SBF2: variants seen among roughly 807,000 people sequenced by gnomAD.
The protein encoded by SBF2 is SET binding factor 2, also known as myotubularin-related protein 13.
SBF2 carries 112 observed loss-of-function variants against 225.2 expected under a neutral mutation model. That is an observed-to-expected ratio of 0.50 (90% CI 0.43 to 0.58). The LOEUF (loss-of-function observed/expected upper bound fraction) is 0.58. Among genes scored for constraint, SBF2 ranks in the 20% least tolerant of loss-of-function variants. The probability of loss-of-function intolerance (pLI) is 0.00; values close to 1 mark genes in which losing one functional copy is unlikely to be tolerated. For synonymous variants in SBF2, 763 were observed against 773.3 expected (o/e 0.99, Z 0.22); for missense variants, 1,996 against 2,206.2 (o/e 0.90, Z 1.91).
At chr11:10,144,673 G>A (rs745393738) in intron 2 of SBF2, among the ~76,000 whole-genome samples, 2 of 152,190 alleles carry the variant, frequency 1.3e-5, no homozygotes, top group Non-Finnish European at 2.9e-5. Flanking sequence ...CTAGGAAGTT[G>A]AGATGATGTA....
At chr11:10,216,207 C>T (rs547602365) in intron 1 of SBF2, among the ~76,000 whole-genome samples, 39 of 152,174 alleles carry the variant, frequency 2.6e-4, no homozygotes, top group African/African-American at 8.4e-4. Context: ...GGACTTAAGT[C>T]TAAGACATAA....
chr11:9,920,273 T>C (rs906458639), intron 16 of SBF2, among the ~76,000 whole-genome samples: 6 of 151,684 alleles, frequency 4.0e-5, no homozygotes, highest in African/African-American at 1.2e-4. Context: ...ATTTTTGGCA[T>C]GGAAAAACAG....
intron 16 of SBF2, among the ~76,000 whole-genome samples, chr11:9,913,477 C>T (rs143972972): frequency 9.8e-4 from 149 of 152,100 alleles, no homozygotes; most frequent in Middle Eastern, 3.4e-3. Context: ...AGTATAATTA[C>T]TTAGAAAAAA....
At chr11:9,807,772 T>C (rs919375680) in intron 32 of SBF2, 1 of 579,760 alleles carries the variant, frequency 1.7e-6, no homozygotes. Flanking sequence ...GCTACTTCAC[T>C]TGGGGCAAGC....
intron 16 of SBF2, among the ~76,000 whole-genome samples, chr11:9,910,052 A>C (rs1055766240): frequency 1.3e-5 from 2 of 152,246 alleles, no homozygotes; most frequent in African/African-American, 4.8e-5. Flanking sequence ...ACATAAAAAA[A>C]TGTGTTCATG....
intron 8 of SBF2, 80 bp downstream of exon 8, chr11:10,000,834 A>G (rs1161183999): frequency 2.7e-6 from 2 of 745,036 alleles, no homozygotes; most frequent in African/African-American, 3.5e-5. Flanking sequence ...AATAGTGATG[A>G]GTTGAAATGT....
chr11:10,032,680 C>T (rs2134642290), intron 3 of SBF2, among the ~76,000 whole-genome samples: 1 of 152,270 alleles, frequency 6.6e-6, no homozygotes, highest in Admixed American at 6.5e-5. Context: ...TTATCTATTT[C>T]ACTTATCTTG....
rs372313109 is a variant in SBF2, at chr11:10,113,096, C to T, written c.142-70115G>A. ...GCAACCTCCACCTCCTGGGCTTAAG[C>T]GATCCTCCCACATCAGCCTCCCAAG... On this transcript the variant is annotated intron_variant, in intron 2 of 39. Coordinates refer to ENST00000256190, the MANE Select transcript of SBF2 (RefSeq NM_030962.4). 4.7e-3 allele frequency among the ~76,000 whole-genome samples: 714 copies of T among 152,122 alleles called. 9 individuals are homozygous for T. Among genetic ancestry groups the T allele is most frequent in the African/African-American group, 0.016 (673 of 41,490 alleles).
At chr11:10,174,012 C>T (rs1956340451) in intron 2 of SBF2, among the ~76,000 whole-genome samples, 1 of 151,812 alleles carries the variant, frequency 6.6e-6, no homozygotes. Flanking sequence ...CCCATCTGTA[C>T]ATCACCATCA....
At chr11:10,224,779 T>C (rs559152125) in intron 1 of SBF2, among the ~76,000 whole-genome samples, 57 of 152,272 alleles carry the variant, frequency 3.7e-4, no homozygotes, top group Non-Finnish European at 7.2e-4. Context: ...ACACTATATT[T>C]TCCCTTTATA....
At chr11:9,832,120 G>T in intron 27 of SBF2, 104 bp downstream of exon 27, 1 of 994,990 alleles carries the variant, frequency 1.0e-6, no homozygotes, top group Non-Finnish European at 1.6e-6. Flanking sequence ...TTGTGTGTGA[G>T]ACAAGACTTG....
At chr11:10,197,050 G>A (rs549592271) in intron 1 of SBF2, among the ~76,000 whole-genome samples, 31 of 151,766 alleles carry the variant, frequency 2.0e-4, no homozygotes, top group African/African-American at 7.0e-4. Context: ...CACTTCTCCT[G>A]AAAAAATACT....
At chr11:9,936,053 C>T (rs896329643) in intron 16 of SBF2, among the ~76,000 whole-genome samples, 1 of 152,130 alleles carries the variant, frequency 6.6e-6, no homozygotes, top group African/African-American at 2.4e-5. Context: ...TTGCAATCTA[C>T]CCATCTGACA....
chr11:10,168,732 T>C (rs1265655924), intron 2 of SBF2, among the ~76,000 whole-genome samples: 1 of 152,230 alleles, frequency 6.6e-6, no homozygotes, highest in African/African-American at 2.4e-5. Flanking sequence ...TAAGGACATG[T>C]CTCTTCTTCT....
chr11:10,212,946 G>A (rs1247233052), intron 1 of SBF2, among the ~76,000 whole-genome samples: 2 of 152,122 alleles, frequency 1.3e-5, no homozygotes, highest in Admixed American at 1.3e-4. Context: ...CTATTCAGGA[G>A]GCTGAAGCAG....
intron 6 of SBF2, among the ~76,000 whole-genome samples, chr11:10,022,973 C>G (rs989539554): frequency 1.1e-4 from 16 of 152,078 alleles, no homozygotes; most frequent in Admixed American, 6.6e-5. Context: ...AAGGTTATAA[C>G]GGCACATAAT....
chr11:9,865,463 G>A (rs966585578), intron 17 of SBF2, among the ~76,000 whole-genome samples: 7 of 151,906 alleles, frequency 4.6e-5, no homozygotes, highest in South Asian at 2.1e-4. Context: ...GCTGAGGCAC[G>A]TGGATCACCT....
intron 16 of SBF2, among the ~76,000 whole-genome samples, chr11:9,927,181 A>C (rs1429740542): frequency 3.9e-5 from 6 of 152,240 alleles, no homozygotes; most frequent in Non-Finnish European, 1.5e-5. Context: ...CAATTGCTAA[A>C]TACCTCTTAC....
chr11:9,925,410 T>A (rs1863956445), intron 16 of SBF2, among the ~76,000 whole-genome samples: 1 of 152,158 alleles, frequency 6.6e-6, no homozygotes, highest in South Asian at 2.1e-4. Flanking sequence ...CCCAAGTAGC[T>A]GGGATTACAG....
Sources: allele counts gnomAD v4.1 joint callset (sites outside exome capture counted in the v4.1 genomes callset), GRCh38; gene constraint gnomAD v4.1.1; transcripts MANE v1.5; gene names NCBI Gene and HGNC (gene_info 2026-07-23, HGNC 2026-07-21).